The following CCSER1 variants were observed in gnomAD, a reference collection of about 807,000 sequenced individuals.
The protein encoded by CCSER1 is coiled-coil serine rich protein 1.
In CCSER1, 41 loss-of-function variants were observed where a neutral mutation model predicts 82.0. That is an observed-to-expected ratio of 0.50 (90% CI 0.39 to 0.65). CCSER1 has a LOEUF of 0.65. Among genes scored for constraint, CCSER1 ranks in the 30% least tolerant of loss-of-function variants. The pLI is 0.00. For synonymous variants in CCSER1, 414 were observed against 383.9 expected (o/e 1.08, Z -0.92); for missense variants, 1,119 against 1,064.2 (o/e 1.05, Z -0.72).
intron 7 of CCSER1, among the ~76,000 whole-genome samples, chr4:90,773,133 A>G (rs1254210403): frequency 6.6e-6 from 1 of 152,120 alleles, no homozygotes; most frequent in Non-Finnish European, 1.5e-5. Flanking sequence ...CTAGCTACTC[A>G]GGGGGCTGAG....
At chr4:91,394,471 C>T (rs975975358) in intron 10 of CCSER1, among the ~76,000 whole-genome samples, 1 of 151,792 alleles carries the variant, frequency 6.6e-6, no homozygotes, top group Non-Finnish European at 1.5e-5. Context: ...TTCTCTTGAG[C>T]CAATATCATA....
intron 10 of CCSER1, among the ~76,000 whole-genome samples, chr4:91,115,932 T>A (rs747945908): frequency 2.0e-5 from 3 of 150,740 alleles, no homozygotes; most frequent in Non-Finnish European, 4.4e-5. Context: ...TGTATACATG[T>A]GCCATCTTGG....
At chr4:91,186,096 G>T (rs968701411) in intron 10 of CCSER1, among the ~76,000 whole-genome samples, 2 of 152,094 alleles carry the variant, frequency 1.3e-5, no homozygotes, top group African/African-American at 2.4e-5. Flanking sequence ...AAGAGCGATC[G>T]CTCGAGGCGC....
chr4:90,588,403 GAA>G (rs982180408), intron 5 of CCSER1, among the ~76,000 whole-genome samples: 3 of 152,164 alleles, frequency 2.0e-5, no homozygotes, highest in African/African-American at 7.2e-5. Flanking sequence ...TTAATCTCAA[GAA>G]AACATTTTCC....
Position 90,127,832 on chromosome 4 carries a change from G to T in CCSER1, c.-42+1G>T, listed in dbSNP as rs1201181111. 1 of 152,266 alleles carries T rather than the reference G, an allele frequency of 6.6e-6. No individual in the cohort carries two copies. Among genetic ancestry groups the T allele is most frequent in the Non-Finnish European group, 1.5e-5 (1 of 68,092 alleles). 9.4% of individuals were successfully genotyped at this position (152,266 alleles called of 1,614,324 possible). ...TTAACAAGCGCACGGAGCCCTCAAGGTAGTAACGCCCCTGGTGCCTCAGCG... is the reference window on the plus strand; with the variant it reads ...TTAACAAGCGCACGGAGCCCTCAAGTTAGTAACGCCCCTGGTGCCTCAGCG... On this transcript the variant is annotated splice_donor_variant, in intron 1 of 10. Coordinates refer to ENST00000509176, the MANE Select transcript of CCSER1 (RefSeq NM_001145065.2). LOFTEE classifies it low-confidence loss of function (5UTR_SPLICE).
At chr4:91,516,926 A>T (rs113788023) in intron 10 of CCSER1, among the ~76,000 whole-genome samples, 1 of 151,942 alleles carries the variant, frequency 6.6e-6, no homozygotes, top group Non-Finnish European at 1.5e-5. Flanking sequence ...TCATTTCCCT[A>T]TGTAGCTGTA....
chr4:90,797,606 G>A, intron 7 of CCSER1, among the ~76,000 whole-genome samples: 1 of 152,186 alleles, frequency 6.6e-6, no homozygotes, highest in East Asian at 1.9e-4. Context: ...TGTAGTAGCT[G>A]CTAATGGTTT....
At chr4:91,494,391 TATG>T (rs951693936) in intron 10 of CCSER1, among the ~76,000 whole-genome samples, 1 of 151,792 alleles carries the variant, frequency 6.6e-6, no homozygotes, top group African/African-American at 2.4e-5. Flanking sequence ...TCATAATGAG[TATG>T]ATGTAATACA....
chr4:90,309,983 A>G (rs1735011828), intron 2 of CCSER1, among the ~76,000 whole-genome samples: 1 of 152,080 alleles, frequency 6.6e-6, no homozygotes, highest in African/African-American at 2.4e-5. Flanking sequence ...TTATAGAGGC[A>G]TTGGTATTTC....
intron 10 of CCSER1, among the ~76,000 whole-genome samples, chr4:91,088,629 T>C (rs1723624609): frequency 6.6e-6 from 1 of 152,218 alleles, no homozygotes. Flanking sequence ...TATTGGTATT[T>C]TTACATTTTT....
At chr4:91,464,283 C>T (rs547645306) in intron 10 of CCSER1, among the ~76,000 whole-genome samples, 2 of 152,114 alleles carry the variant, frequency 1.3e-5, no homozygotes, top group Non-Finnish European at 2.9e-5. Context: ...AAGTAAAATC[C>T]TTTACAGACA....
chr4:90,314,878 G>C (rs1390789280), intron 3 of CCSER1, among the ~76,000 whole-genome samples: 1 of 106,996 alleles, frequency 9.3e-6, no homozygotes, highest in African/African-American at 3.7e-5. Flanking sequence ...ACAGAGTCTC[G>C]CTCTGTCTCC....
At chr4:90,829,234 T>C (rs1280847491) in intron 8 of CCSER1, among the ~76,000 whole-genome samples, 11 of 152,166 alleles carry the variant, frequency 7.2e-5, no homozygotes, top group Non-Finnish European at 2.9e-5. Context: ...TAGGAAGTGC[T>C]AAGATCATCT....
At chr4:90,533,489 G>A (rs1333864312) in intron 5 of CCSER1, among the ~76,000 whole-genome samples, 1 of 152,200 alleles carries the variant, frequency 6.6e-6, no homozygotes, top group East Asian at 1.9e-4. Context: ...AAGCCTGAAT[G>A]CCTTCTGCTC....
At chr4:90,299,268 T>G (rs548405399) in intron 1 of CCSER1, among the ~76,000 whole-genome samples, 1 of 152,242 alleles carries the variant, frequency 6.6e-6, no homozygotes, top group East Asian at 1.9e-4. Flanking sequence ...TATACAAATC[T>G]AATCAGAGAC....
intron 1 of CCSER1, among the ~76,000 whole-genome samples, chr4:90,213,783 G>A (rs758821027): frequency 9.2e-5 from 14 of 152,148 alleles, no homozygotes; most frequent in Non-Finnish European, 1.8e-4. Flanking sequence ...TTTAGCAGTG[G>A]TCTTAGCAAT....
At chr4:91,068,510 C>A (rs1283718122) in intron 9 of CCSER1, among the ~76,000 whole-genome samples, 1 of 152,090 alleles carries the variant, frequency 6.6e-6, no homozygotes, top group Non-Finnish European at 1.5e-5. Context: ...GATTTTAACA[C>A]AATCTGATTT....
chr4:91,386,492 A>T (rs1311544053), intron 10 of CCSER1, among the ~76,000 whole-genome samples: 1 of 152,036 alleles, frequency 6.6e-6, no homozygotes, highest in Non-Finnish European at 1.5e-5. Context: ...AAATGTGTAG[A>T]TGGTACTAGA....
rs530446073 is a variant in CCSER1 at position 90,214,120 on chromosome 4, C to T, written c.-42+86289C>T. 3.4e-4 allele frequency among the ~76,000 whole-genome samples: 52 copies of T among 152,074 alleles called. No individual in the cohort carries two copies. The South Asian group carries it at 9.4e-3, about 27-fold the overall frequency. On this transcript the variant is annotated intron_variant, in intron 1 of 10. Coordinates refer to ENST00000509176, the MANE Select transcript of CCSER1 (RefSeq NM_001145065.2). ...AAGGAATGCAATTTCTGGAATGAGG[C>T]GATTAATTTGCTGAGAGGGGATGGA...
Sources: allele counts gnomAD v4.1 joint callset (sites outside exome capture counted in the v4.1 genomes callset), GRCh38; gene constraint gnomAD v4.1.1; transcripts MANE v1.5; gene names NCBI Gene and HGNC (gene_info 2026-07-23, HGNC 2026-07-21).